Variants in ATRX observed in about 807,000 individuals in gnomAD.
The protein encoded by ATRX is ATRX chromatin remodeler.
In ATRX, 12 loss-of-function variants were observed where a neutral mutation model predicts 172.6. The observed-to-expected ratio is 0.07, with a 90% CI of 0.04 to 0.11. ATRX has a LOEUF of 0.11. Ranked by LOEUF, ATRX falls within the 10% of genes least tolerant of loss-of-function variation. The pLI is 1.00. For synonymous variants in ATRX, 674 were observed against 594.7 expected (o/e 1.13, Z -1.94); for missense variants, 1,368 against 1,767.4 (o/e 0.77, Z 4.05).
intron 7 of ATRX, among the ~76,000 whole-genome samples, chrX:77,687,164 A>C (rs1174491528): frequency 1.8e-5 from 2 of 108,483 alleles, no homozygotes; most frequent in African/African-American, 6.7e-5. Context: ...AAAAAAAAAA[A>C]AAAAAAAAAA....
chrX:77,595,223 C>T (rs576881468), intron 25 of ATRX: 3 of 111,304 alleles, frequency 2.7e-5, no homozygotes, highest in African/African-American at 9.8e-5. Flanking sequence ...AGGTTGACTA[C>T]TAATACTTTC....
At chrX:77,563,771 T>C (rs1264452069) in intron 28 of ATRX, among the ~76,000 whole-genome samples, 1 of 107,512 alleles carries the variant, frequency 9.3e-6, no homozygotes, top group Admixed American at 1.0e-4. Context: ...CTCACTGTGA[T>C]TATGGAAGCT....
intron 12 of ATRX, among the ~76,000 whole-genome samples, chrX:77,658,043 T>C (rs1380992916): frequency 9.1e-6 from 1 of 109,763 alleles, no homozygotes; most frequent in African/African-American, 3.3e-5. Flanking sequence ...ATTCTGTCTC[T>C]ACAAAAAAAA....
chrX:77,552,342 C>T (rs1286591800), intron 30 of ATRX, among the ~76,000 whole-genome samples: 3 of 108,008 alleles, frequency 2.8e-5, no homozygotes, highest in African/African-American at 1.0e-4. Flanking sequence ...AACCATCATT[C>T]TCAGCAAACT....
intron 17 of ATRX, 188 bp downstream of exon 17, chrX:77,634,406 G>C (rs1286944822): frequency 4.9e-6 from 2 of 408,212 alleles, no homozygotes; most frequent in African/African-American, 5.1e-5. Context: ...TTTTCTGAAA[G>C]TACATATTTC....
At chrX:77,531,063 A>G (rs2063560468) in intron 30 of ATRX, among the ~76,000 whole-genome samples, 1 of 111,394 alleles carries the variant, frequency 9.0e-6, no homozygotes, top group Non-Finnish European at 1.9e-5. Context: ...GGACAAACAC[A>G]CCCTCCAAGA....
intron 1 of ATRX, among the ~76,000 whole-genome samples, chrX:77,745,173 G>GAAAAAAA (rs1247509964): frequency 2.9e-4 from 8 of 27,442 alleles, no homozygotes; most frequent in Non-Finnish European, 3.2e-4. Context: ...TCTCAAAAAT[G>GAAAAAAA]AAAAAAAAAA....
chrX:77,615,631 C>T (rs1557096332), intron 22 of ATRX, among the ~76,000 whole-genome samples: 1 of 111,280 alleles, frequency 9.0e-6, no homozygotes. Context: ...AAAGTCAATA[C>T]AAAAATTGCT....
At chrX:77,689,353 T>C (rs1347679885) in intron 6 of ATRX, among the ~76,000 whole-genome samples, 1 of 112,289 alleles carries the variant, frequency 8.9e-6, no homozygotes, top group Non-Finnish European at 1.9e-5. Context: ...AAGGTTTTTA[T>C]TCTCATTGGA....
At chrX:77,635,433 A>G (rs1389004863) in intron 16 of ATRX, among the ~76,000 whole-genome samples, 1 of 112,057 alleles carries the variant, frequency 8.9e-6, no homozygotes, top group Non-Finnish European at 1.9e-5. Context: ...TTTATTCGAT[A>G]GTAAACACTG....
rs1557082359 is a variant in ATRX at position 77,593,780 on chromosome X, G to C, written c.6026C>G (p.Ala2009Gly). 21 of 1,209,835 alleles carry C rather than the reference G, an allele frequency of 1.7e-5. No individual in the cohort carries two copies. Among genetic ancestry groups the C allele is most frequent in the Non-Finnish European group, 2.3e-5 (21 of 893,824 alleles). ...PDWYKDFVTD[A>G]DAEVLEHSGK... The stretch of plus-strand genomic sequence containing the variant: ...AGAATGCTCTAAAACCTCAGCATCA[G>C]CATCTGTAACAAAATCTTTGTACCA... Residue 2009 changes from alanine to glycine, a missense_variant, in exon 26 of 35, where the codon GCT becomes GGT. Ala to Gly is a moderately conservative substitution (Grantham distance 60). This residue lies in a region of ATRX where 45 missense variants were observed against 120.2 expected (regional missense o/e 0.37). Coordinates refer to ENST00000373344, the MANE Select transcript of ATRX (RefSeq NM_000489.6).
chrX:77,641,454 G>A (rs1217673287), intron 15 of ATRX, among the ~76,000 whole-genome samples: 4 of 109,518 alleles, frequency 3.7e-5, no homozygotes, highest in South Asian at 7.9e-4. Context: ...GGTGGCACAC[G>A]CCTGTAGTCC....
At chrX:77,694,901 T>TC (rs1448200966) in intron 5 of ATRX, among the ~76,000 whole-genome samples, 1 of 27,810 alleles carries the variant, frequency 3.6e-5, no homozygotes, top group African/African-American at 1.5e-4. Flanking sequence ...TCTGAAAGGG[T>TC]GGGGGGGGGG....
chrX:77,613,833 C>G (rs2067253750), intron 22 of ATRX, among the ~76,000 whole-genome samples: 1 of 111,791 alleles, frequency 8.9e-6, no homozygotes, highest in African/African-American at 3.3e-5. Context: ...TAAAGCCAGA[C>G]TAATATTTAG....
rs782647165 is a variant in ATRX, at chrX:77,774,014, G to A, written c.20+11968C>T. ...GAGGCGGGCAGACCACCTGAGGTCAGGAGTTCAAGACCAGCCTGACCAATA... is the reference window on the plus strand; with the variant it reads ...GAGGCGGGCAGACCACCTGAGGTCAAGAGTTCAAGACCAGCCTGACCAATA... On this transcript the variant is annotated intron_variant, in intron 1 of 34. Coordinates refer to ENST00000373344, the MANE Select transcript of ATRX (RefSeq NM_000489.6). Among the ~76,000 whole-genome samples the A allele has an allele frequency of 5.5e-5, 6 of 109,922 alleles. No individual in the cohort carries two copies. In the South Asian group the frequency reaches 2.4e-3, roughly 43 times the overall value.
intron 1 of ATRX, among the ~76,000 whole-genome samples, chrX:77,752,909 G>A (rs1460396499): frequency 8.9e-6 from 1 of 111,741 alleles, no homozygotes; most frequent in Non-Finnish European, 1.9e-5. Flanking sequence ...GGTCATCAGG[G>A]ATATTGGCCT....
chrX:77,603,568 G>T lies in ATRX; in HGVS notation c.5567-3004C>A, dbSNP rs186199734. Among the ~76,000 whole-genome samples the T allele has an allele frequency of 7.3e-3, 788 of 107,284 alleles. 50 individuals carry two copies. The East Asian group carries it at 0.2, about 27-fold the overall frequency. 93.2% of individuals were successfully genotyped at this position (107,284 alleles called of 115,157 possible). On this transcript the variant is annotated intron_variant, in intron 22 of 34. Coordinates refer to ENST00000373344, the MANE Select transcript of ATRX (RefSeq NM_000489.6). The stretch of plus-strand genomic sequence containing the variant: ...TTTTTGTATTTTTAGTAGGGACAGG[G>T]TTTTGCCATGTTGGCCAGGTTGGTC...
At chrX:77,547,548 G>A (rs1557053927) in intron 30 of ATRX, among the ~76,000 whole-genome samples, 1 of 111,867 alleles carries the variant, frequency 8.9e-6, no homozygotes, top group Non-Finnish European at 1.9e-5. Context: ...TATTTATTGT[G>A]TAGTTTGTGG....
At chrX:77,753,593 G>T (rs972906001) in intron 1 of ATRX, among the ~76,000 whole-genome samples, 1 of 111,459 alleles carries the variant, frequency 9.0e-6, no homozygotes. Context: ...TCTGATGGGG[G>T]CATTTAGTGA....
Sources: gnomAD v4.1 joint callset for allele counts (sites outside exome capture counted in the v4.1 genomes callset) on GRCh38, gnomAD v4.1.1 for gene constraint, gnomAD v4.1.1 regional missense constraint, MANE v1.5 for transcripts, NCBI Gene and HGNC (gene_info 2026-07-23, HGNC 2026-07-21) for gene names.